The following PSD2 variants were observed in gnomAD, a reference collection of about 807,000 sequenced individuals.
PSD2 encodes the protein PH and SEC7 domain-containing protein 2.
A neutral mutation model predicts 69.8 loss-of-function variants in PSD2; 38 were observed. The observed-to-expected ratio is 0.54, with a 90% CI of 0.42 to 0.71. The LOEUF is 0.71. Ranked by LOEUF, PSD2 falls within the 30% of genes least tolerant of loss-of-function variation. PSD2 has a pLI of 0.00. For synonymous variants in PSD2, 412 were observed against 423.0 expected (o/e 0.97, Z 0.32); for missense variants, 943 against 1,014.5 (o/e 0.93, Z 0.96).
At chr5:139,833,820 C>T (rs1760650515) in intron 8 of PSD2, 29 bp downstream of exon 8, 1 of 1,508,772 alleles carries the variant, frequency 6.6e-7, no homozygotes, top group Non-Finnish European at 9.2e-7. Context: ...CCCCATCCCA[C>T]TAGCTGTGCC....
At chr5:139,792,833 CCTTT>C (rs373502112), upstream of PSD2, among the ~76,000 whole-genome samples, 1,286 of 147,044 alleles carry the variant, frequency 8.7e-3, 21 homozygotes, top group East Asian at 0.034. Context: ...TTCCTTCCTT[CCTTT>C]CTTTCTTTTT....
At chr5:139,753,864 T>A in the PSD2 span, among the ~76,000 whole-genome samples, 1 of 152,106 alleles carries the variant, frequency 6.6e-6, no homozygotes, top group East Asian at 1.9e-4. Context: ...GAGATGGAGT[T>A]TCGCTCTTGT....
At chr5:139,746,872 C>T in the PSD2 span, among the ~76,000 whole-genome samples, 2 of 152,212 alleles carry the variant, frequency 1.3e-5, no homozygotes, top group Non-Finnish European at 2.9e-5. This position sits in a 1 kb window ranked among gnomAD's most constrained non-coding sequence, Gnocchi z 4.5. Context: ...GCTCCCAGCC[C>T]TGGTGGTGGG....
chr5:139,791,902 T>G (rs1744600708), upstream of PSD2, among the ~76,000 whole-genome samples: 2 of 152,168 alleles, frequency 1.3e-5, no homozygotes, highest in Non-Finnish European at 2.9e-5. Flanking sequence ...ACAGCCAGCA[T>G]GGACAACTTT....
chr5:139,807,923 G>T (rs144701383), intron 1 of PSD2, among the ~76,000 whole-genome samples: 1 of 152,344 alleles, frequency 6.6e-6, no homozygotes, highest in African/African-American at 2.4e-5. Context: ...GGAGGTCTGG[G>T]GTAGGGCCTG....
At chr5:139,829,798 G>A (rs757923289) in intron 7 of PSD2, among the ~76,000 whole-genome samples, 1 of 152,072 alleles carries the variant, frequency 6.6e-6, no homozygotes, top group Non-Finnish European at 1.5e-5. Context: ...ATGAGCATTC[G>A]TGTACAAGTT....
chr5:139,828,998 G>T (rs1760502028), intron 7 of PSD2, among the ~76,000 whole-genome samples: 1 of 146,102 alleles, frequency 6.8e-6, no homozygotes, highest in Non-Finnish European at 1.5e-5. Context: ...AAGACTGGGA[G>T]GCCCTGTAGA....
the PSD2 span, among the ~76,000 whole-genome samples, chr5:139,763,456 G>A: frequency 6.6e-6 from 1 of 152,204 alleles, no homozygotes; most frequent in African/African-American, 2.4e-5. Flanking sequence ...GCCGGGGAAG[G>A]CAAGAAGGCC....
intron 7 of PSD2, among the ~76,000 whole-genome samples, chr5:139,826,153 G>T (rs1425217207): frequency 1.3e-5 from 2 of 152,200 alleles, no homozygotes; most frequent in African/African-American, 4.8e-5. Flanking sequence ...GGTCATTGGA[G>T]ACCTTTATAA....
chr5:139,750,112 T>G, the PSD2 span, among the ~76,000 whole-genome samples: 2 of 149,616 alleles, frequency 1.3e-5, no homozygotes, highest in Non-Finnish European at 3.0e-5. Flanking sequence ...GATCACGAGG[T>G]CAGGAAATAG....
chr5:139,753,827 T>G, the PSD2 span, among the ~76,000 whole-genome samples: 2 of 138,756 alleles, frequency 1.4e-5, no homozygotes, highest in Non-Finnish European at 2.9e-5. Flanking sequence ...TGTTTTTTTT[T>G]TTGTTTGTTT....
At position 139,836,819 on chromosome 5, in the gene PSD2, A is replaced by G; in HGVS notation, c.1412A>G (p.Asp471Gly). The change falls in exon 10 of 15, where the codon GAT becomes GGT. Residue 471 changes from aspartate to glycine, a missense_variant. Asp to Gly is a moderately conservative substitution (Grantham distance 94). Transcript: ENST00000274710. ...NEKLEWAIDEDELRKSLSELV... is the reference protein window; with the variant it reads ...NEKLEWAIDEGELRKSLSELV... ...GCCTAGTACTTCCCTAGTGATGAGG[A>G]TGAGCTGAGGAAATCCCTGTCTGAG... The G allele has an allele frequency of 6.2e-7, 1 of 1,613,982 alleles. No homozygotes were observed. Among genetic ancestry groups the G allele is most frequent in the Non-Finnish European group, 8.5e-7 (1 of 1,179,906 alleles).
chr5:139,801,151 G>A (rs1186027272), intron 1 of PSD2, among the ~76,000 whole-genome samples: 1 of 151,360 alleles, frequency 6.6e-6, no homozygotes, highest in Non-Finnish European at 1.5e-5. Context: ...GTTGCAGTGA[G>A]CTGAGATTGC....
chr5:139,836,497 G>A (rs1296639186), intron 9 of PSD2, among the ~76,000 whole-genome samples: 2 of 152,214 alleles, frequency 1.3e-5, no homozygotes, highest in East Asian at 1.9e-4. Flanking sequence ...GGGATGGAGA[G>A]AGGAGAAGGA....
At chr5:139,838,120 G>A (rs1760782062) in intron 12 of PSD2, among the ~76,000 whole-genome samples, 1 of 152,232 alleles carries the variant, frequency 6.6e-6, no homozygotes, top group South Asian at 2.1e-4. Flanking sequence ...CTTTAAGTGT[G>A]GGAAAGATGC....
chr5:139,765,447 A>G, the PSD2 span, among the ~76,000 whole-genome samples: 2 of 152,180 alleles, frequency 1.3e-5, no homozygotes, highest in African/African-American at 2.4e-5. Context: ...CATCCACTGT[A>G]GTTCCCCACC....
the PSD2 span, among the ~76,000 whole-genome samples, chr5:139,771,719 G>C: frequency 6.6e-6 from 1 of 152,160 alleles, no homozygotes; most frequent in Non-Finnish European, 1.5e-5. Flanking sequence ...GCTGGTGCAA[G>C]GTCTGGCTGT....
the PSD2 span, among the ~76,000 whole-genome samples, chr5:139,766,324 C>T: frequency 6.6e-6 from 1 of 152,182 alleles, no homozygotes; most frequent in Non-Finnish European, 1.5e-5. Context: ...TCATGGGATA[C>T]TTGTTGATGG....
At chr5:139,822,450 T>C (rs1358148850) in intron 6 of PSD2, among the ~76,000 whole-genome samples, 1 of 152,162 alleles carries the variant, frequency 6.6e-6, no homozygotes, top group Non-Finnish European at 1.5e-5. Flanking sequence ...CTCAGAGCTA[T>C]TTCTGGGTCT....
Sources: allele counts gnomAD v4.1 joint callset (sites outside exome capture counted in the v4.1 genomes callset), GRCh38; gene constraint gnomAD v4.1.1; non-coding constraint Gnocchi (gnomAD v3.1); transcripts MANE v1.5; gene names NCBI Gene and HGNC (gene_info 2026-07-23, HGNC 2026-07-21).